The following CCBE1 variants were observed in gnomAD, a reference collection of about 807,000 sequenced individuals.
CCBE1 encodes the protein collagen and calcium-binding EGF domain-containing protein 1.
CCBE1 carries 37 observed loss-of-function variants against 50.0 expected under a neutral mutation model. The ratio of observed to expected loss-of-function variants is 0.74; its 90% CI spans 0.57 to 0.97. The LOEUF is 0.97. Among genes scored for constraint, CCBE1 ranks in the 50% least tolerant of loss-of-function variants. The pLI is 0.00. For synonymous variants in CCBE1, 234 were observed against 203.7 expected (o/e 1.15, Z -1.27); for missense variants, 538 against 523.8 (o/e 1.03, Z -0.26).
chr18:59,534,082 C>T lies in CCBE1; in HGVS notation c.213-53844G>A, dbSNP rs569281841. On this transcript the variant is annotated intron_variant, in intron 2 of 10. Transcript: ENST00000439986. ...CCTCCTTTTCAAAAGTGTTCGATTC[C>T]GCCTTAGTGATCTATACATGGAAGA... Among the ~76,000 whole-genome samples, 9 of 149,172 alleles carry T rather than the reference C, an allele frequency of 6.0e-5. No homozygotes were observed. In the East Asian group the frequency reaches 1.6e-3, roughly 26 times the overall value.
At chr18:59,594,312 T>C (rs1399138632) in intron 2 of CCBE1, among the ~76,000 whole-genome samples, 2 of 152,336 alleles carry the variant, frequency 1.3e-5, no homozygotes, top group African/African-American at 4.8e-5. Flanking sequence ...CTAATTACAA[T>C]ATTTAAAAGA....
chr18:59,588,335 G>A (rs369893478), intron 2 of CCBE1, among the ~76,000 whole-genome samples: 9 of 152,130 alleles, frequency 5.9e-5, no homozygotes, highest in African/African-American at 1.2e-4. Context: ...GCCGAAATGC[G>A]AGGATTGCTT....
chr18:59,440,429 T>C (rs957058790), intron 7 of CCBE1, among the ~76,000 whole-genome samples: 4 of 152,258 alleles, frequency 2.6e-5, no homozygotes, highest in African/African-American at 9.6e-5. Flanking sequence ...AAACATCTGC[T>C]AGGCCTTCCT....
chr18:59,438,006 A>C (rs565162922), intron 10 of CCBE1, 105 bp downstream of exon 10: 285 of 1,058,694 alleles, frequency 2.7e-4, no homozygotes, highest in Non-Finnish European at 4.1e-4. Flanking sequence ...GCTGAGTGGC[A>C]TCAGGAAGGG....
chr18:59,455,070 G>A, intron 5 of CCBE1, 119 bp from the exon 6 acceptor site: 1 of 778,050 alleles, frequency 1.3e-6, no homozygotes, highest in Non-Finnish European at 2.2e-6. Flanking sequence ...ACATGCGAGG[G>A]CTCAACTGTG....
intron 2 of CCBE1, among the ~76,000 whole-genome samples, chr18:59,491,297 T>C (rs1357099511): frequency 6.6e-6 from 1 of 152,202 alleles, no homozygotes; most frequent in African/African-American, 2.4e-5. Context: ...AAATTTTCTC[T>C]GCAAGTCTGC....
chr18:59,593,397 A>G (rs933024577), intron 2 of CCBE1, among the ~76,000 whole-genome samples: 2 of 152,220 alleles, frequency 1.3e-5, no homozygotes, highest in Non-Finnish European at 2.9e-5. Flanking sequence ...TAGCTTAAGA[A>G]AAACATGAAT....
At chr18:59,531,775 G>A (rs1018202401) in intron 2 of CCBE1, among the ~76,000 whole-genome samples, 3 of 152,118 alleles carry the variant, frequency 2.0e-5, no homozygotes, top group African/African-American at 7.2e-5. Context: ...GCTCCTGCAA[G>A]CCTACAGATC....
intron 2 of CCBE1, among the ~76,000 whole-genome samples, chr18:59,677,733 G>T (rs62094422): frequency 0.26 from 38,848 of 151,930 alleles, 5,679 homozygotes; most frequent in Non-Finnish European, 0.34. Flanking sequence ...ACAGAGTGAA[G>T]GTGAGAAACC....
chr18:59,606,242 C>T (rs1358948085), intron 2 of CCBE1, among the ~76,000 whole-genome samples: 3 of 152,164 alleles, frequency 2.0e-5, no homozygotes, highest in African/African-American at 7.2e-5. Flanking sequence ...AGAACTCCCA[C>T]AGATTGGTTT....
chr18:59,661,966 TAAAA>T (rs34765491), intron 2 of CCBE1, among the ~76,000 whole-genome samples: 1 of 148,676 alleles, frequency 6.7e-6, no homozygotes, highest in Non-Finnish European at 1.5e-5. Context: ...GACTCAGTCT[TAAAA>T]AAAAAAAATC....
intron 2 of CCBE1, among the ~76,000 whole-genome samples, chr18:59,695,614 T>C (rs1002204752): frequency 2.0e-5 from 3 of 152,222 alleles, no homozygotes; most frequent in Non-Finnish European, 2.9e-5. Context: ...TTTGGGTATA[T>C]GAAATGCTCT....
At chr18:59,590,325 G>A (rs980228242) in intron 2 of CCBE1, among the ~76,000 whole-genome samples, 2 of 152,096 alleles carry the variant, frequency 1.3e-5, no homozygotes, top group East Asian at 3.8e-4. Context: ...AAAAGCTTAA[G>A]AAATTTGAAA....
intron 2 of CCBE1, among the ~76,000 whole-genome samples, chr18:59,523,456 A>G (rs1467964219): frequency 1.3e-5 from 2 of 151,844 alleles, no homozygotes; most frequent in Admixed American, 6.6e-5. Context: ...CTTCAACTGT[A>G]TAACAGTACC....
intron 2 of CCBE1, among the ~76,000 whole-genome samples, chr18:59,526,741 G>A (rs1027595373): frequency 5.3e-5 from 8 of 152,112 alleles, no homozygotes; most frequent in African/African-American, 1.7e-4. Context: ...AGAACTTCTC[G>A]ATTTCTGCTT....
At chr18:59,673,006 T>TA (rs145844496) in intron 2 of CCBE1, among the ~76,000 whole-genome samples, 2,621 of 149,642 alleles carry the variant, frequency 0.018, 75 homozygotes, top group African/African-American at 0.056. Flanking sequence ...CCTATGGAAA[T>TA]AAAAAAAAAA....
chr18:59,474,013 T>C (rs1344622707), intron 3 of CCBE1, among the ~76,000 whole-genome samples: 1 of 152,220 alleles, frequency 6.6e-6, no homozygotes, highest in Non-Finnish European at 1.5e-5. Flanking sequence ...CCTATGTTAG[T>C]TTGCTTAGGA....
intron 2 of CCBE1, among the ~76,000 whole-genome samples, chr18:59,509,492 T>C (rs1334465196): frequency 1.3e-5 from 2 of 152,164 alleles, no homozygotes; most frequent in Non-Finnish European, 2.9e-5. Flanking sequence ...GCATGATAAA[T>C]ACTAGGAAAA....
chr18:59,697,628 G>C (rs1279137820), upstream of CCBE1: 1 of 431,820 alleles, frequency 2.3e-6, no homozygotes, highest in South Asian at 2.7e-5. Context: ...GTCTCGTCGG[G>C]ACGTTCACGT....
Sources: allele counts gnomAD v4.1 joint callset (sites outside exome capture counted in the v4.1 genomes callset), GRCh38; gene constraint gnomAD v4.1.1; transcripts MANE v1.5; gene names NCBI Gene and HGNC (gene_info 2026-07-23, HGNC 2026-07-21).